Variants in TCF4 observed in about 807,000 individuals in gnomAD.
TCF4 encodes transcription factor 4.
A neutral mutation model predicts 82.1 loss-of-function variants in TCF4; 3 were observed. That is an observed-to-expected ratio of 0.04 (90% CI 0.02 to 0.09). The LOEUF (loss-of-function observed/expected upper bound fraction) is 0.09. Ranked by LOEUF, TCF4 falls within the 10% of genes least tolerant of loss-of-function variation. The probability of loss-of-function intolerance (pLI) is 1.00; values close to 1 mark genes in which losing one functional copy is unlikely to be tolerated. For synonymous variants in TCF4, 276 were observed against 309.6 expected (o/e 0.89, Z 1.14); for missense variants, 518 against 852.7 (o/e 0.61, Z 4.89).
At chr18:55,365,225 GTGTGTGTGTATATATA>G (rs1403360403) in intron 6 of TCF4, among the ~76,000 whole-genome samples, 12 of 137,598 alleles carry the variant, frequency 8.7e-5, no homozygotes, top group African/African-American at 1.1e-4. Flanking sequence ...ATATGTGTGT[GTGTGTGTGTATATATA>G]TGTGTGTGTA....
chr18:55,359,717 A>C (rs1260410010), intron 6 of TCF4, among the ~76,000 whole-genome samples: 1 of 152,188 alleles, frequency 6.6e-6, no homozygotes, highest in Non-Finnish European at 1.5e-5. Context: ...TCACCTCATG[A>C]ATGCTTCATA....
chr18:55,545,336 T>C (rs904396035), intron 3 of TCF4, among the ~76,000 whole-genome samples: 1 of 152,240 alleles, frequency 6.6e-6, no homozygotes, highest in Admixed American at 6.5e-5. Flanking sequence ...ATTTGTCTTC[T>C]AGTCAAGCAA....
intron 2 of TCF4, among the ~76,000 whole-genome samples, chr18:55,622,026 A>G (rs2097721434): frequency 7.4e-6 from 1 of 135,170 alleles, no homozygotes; most frequent in Non-Finnish European, 1.5e-5. Context: ...TATATACACT[A>G]TATATTATAT....
upstream of TCF4, among the ~76,000 whole-genome samples, chr18:55,592,740 G>A: frequency 6.6e-6 from 1 of 152,156 alleles, no homozygotes; most frequent in Non-Finnish European, 1.5e-5. Flanking sequence ...CGCCCATCTT[G>A]TAGTCAGTGG....
At chr18:55,338,037 TCG>T (rs2079024907) in intron 8 of TCF4, among the ~76,000 whole-genome samples, 2 of 151,980 alleles carry the variant, frequency 1.3e-5, no homozygotes, top group Admixed American at 6.6e-5. Flanking sequence ...ACCATCAGTC[TCG>T]CTGCTGCCAA....
At chr18:55,604,918 C>A (rs1054253084) in intron 2 of TCF4, among the ~76,000 whole-genome samples, 6 of 152,142 alleles carry the variant, frequency 3.9e-5, no homozygotes, top group African/African-American at 1.4e-4. Flanking sequence ...CTGACATAAG[C>A]ATTGAGGACC....
intron 3 of TCF4, among the ~76,000 whole-genome samples, chr18:55,584,694 T>A (rs2097617761): frequency 6.6e-6 from 1 of 151,988 alleles, no homozygotes; most frequent in African/African-American, 2.4e-5. Flanking sequence ...CAGTAAAAAT[T>A]CATTGCACAA....
rs755332116 is a variant in TCF4, at chr18:55,228,251, C to A, written c.1990G>T (p.Ala664Ser). 4.3e-6 allele frequency: 7 copies of A among 1,614,146 alleles called. No homozygotes were observed. Among genetic ancestry groups the A allele is most frequent in the South Asian group, 3.3e-5 (3 of 91,074 alleles). Residue 664 changes from alanine to serine, a missense_variant, in exon 19 of 20, where the codon GCA becomes TCA. This residue lies in a region of TCF4 where 40 missense variants were observed against 41.5 expected (regional missense o/e 0.96). Transcript: ENST00000354452. The stretch of plus-strand genomic sequence containing the variant: ...TACATCTGTCCCATGTGATTCGATG[C>A]GTCTCCCATTCCAGGGTGTGGGCCG... ...LAGPHPGMGD[A>S]SNHMGQM
chr18:55,453,503 T>A (rs907623029), intron 5 of TCF4, among the ~76,000 whole-genome samples: 3 of 152,358 alleles, frequency 2.0e-5, no homozygotes, highest in African/African-American at 7.2e-5. Flanking sequence ...ATGTGAGAAA[T>A]CTTCCCCTGG....
chr18:55,570,693 G>A (rs1222693663), intron 3 of TCF4, among the ~76,000 whole-genome samples: 3 of 151,888 alleles, frequency 2.0e-5, no homozygotes, highest in Non-Finnish European at 4.4e-5. Context: ...ACCAGCCCGG[G>A]CAACATGGTG....
At chr18:55,251,930 GTTTT>G (rs199695068) in intron 15 of TCF4, among the ~76,000 whole-genome samples, 2 of 101,264 alleles carry the variant, frequency 2.0e-5, no homozygotes, top group Admixed American at 1.0e-4. Flanking sequence ...GGGGGATGAG[GTTTT>G]TTTTTTTTTT....
chr18:55,365,189 A>G (rs112781210), intron 6 of TCF4, among the ~76,000 whole-genome samples: 2,207 of 108,462 alleles, frequency 0.02, 67 homozygotes, highest in African/African-American at 0.053. Context: ...ATATATATAT[A>G]TATGTGTGTG....
chr18:55,328,480 T>A (rs1449537723), intron 8 of TCF4, among the ~76,000 whole-genome samples: 1 of 152,016 alleles, frequency 6.6e-6, no homozygotes, highest in African/African-American at 2.4e-5. Flanking sequence ...TTTGGTACAA[T>A]GAGGAAGCAT....
At chr18:55,513,978 T>G (rs928165978) in intron 3 of TCF4, among the ~76,000 whole-genome samples, 8 of 152,220 alleles carry the variant, frequency 5.3e-5, no homozygotes, top group African/African-American at 1.9e-4. Context: ...TGGCTTTTCT[T>G]TGCCATCTAA....
chr18:55,345,695 C>T (rs1044793898), intron 8 of TCF4, among the ~76,000 whole-genome samples: 2 of 152,108 alleles, frequency 1.3e-5, no homozygotes, highest in Non-Finnish European at 2.9e-5. Flanking sequence ...CCTCCTTTTA[C>T]GTCTTACCAC....
At position 55,626,988 on chromosome 18, in the gene TCF4, A is replaced by ATAC. The variant is rs549831214; in HGVS notation, c.286+4307_286+4309dup. ...ATGGACAAAAGCTTGAACAAAAAAT[A>ATAC]TACTGACCCTTTCTTTGGTGCCAAT... is the stretch of plus-strand genomic sequence containing the variant. On this transcript the variant is annotated intron_variant, in intron 2 of 20. Transcript: ENST00000398339. Among the ~76,000 whole-genome samples the ATAC allele has an allele frequency of 3.0e-3, 458 of 152,332 alleles. 3 individuals carry two copies. The highest frequency in any genetic ancestry group is 0.011 in the African/African-American group (439 of 41,578).
rs184589688 is a variant in TCF4 at position 55,633,340 on chromosome 18, C to T, written c.196-1952G>A. 7.4e-4 allele frequency among the ~76,000 whole-genome samples: 112 copies of T among 152,220 alleles called. No individual in the cohort carries two copies. The highest frequency in any genetic ancestry group is 1.0e-3 in the Non-Finnish European group (70 of 68,014). On this transcript the variant is annotated intron_variant, in intron 1 of 20. Transcript: ENST00000398339. The surrounding 1 kb of genome is among the most constrained non-coding windows in gnomAD (Gnocchi z 4.0). ...CCTCAGCTTCTCTCCATGTGGGACT[C>T]GCCACAGTCTGCTTGAGTGTCTTTA...
At chr18:55,355,622 T>A (rs2083322383) in intron 6 of TCF4, among the ~76,000 whole-genome samples, 1 of 152,184 alleles carries the variant, frequency 6.6e-6, no homozygotes, top group African/African-American at 2.4e-5. Context: ...GGTCAGTCTT[T>A]GGACAGTCTT....
At chr18:55,330,175 G>A (rs929148774) in intron 8 of TCF4, among the ~76,000 whole-genome samples, 3 of 136,916 alleles carry the variant, frequency 2.2e-5, no homozygotes, top group Admixed American at 1.5e-4. Context: ...AGCAATGTTG[G>A]ATTTTTTTTT....
Sources: allele counts gnomAD v4.1 joint callset (sites outside exome capture counted in the v4.1 genomes callset), GRCh38; gene constraint gnomAD v4.1.1; regional missense constraint gnomAD v4.1.1; non-coding constraint Gnocchi (gnomAD v3.1); transcripts MANE v1.5; gene names NCBI Gene and HGNC (gene_info 2026-07-23, HGNC 2026-07-21).